TC2N: variants seen among roughly 807,000 people sequenced by gnomAD.
The protein encoded by TC2N is tandem C2 domains nuclear protein.
In TC2N, 51 loss-of-function variants were observed where a neutral mutation model predicts 61.9. The observed-to-expected ratio is 0.82, with a 90% confidence interval of 0.66 to 1.04. The LOEUF is 1.04. TC2N is among the 50% of genes least tolerant of loss of function. The pLI is 0.00. For missense variants in TC2N, 556 were observed against 566.7 expected, an observed-to-expected ratio of 0.98 and a Z score of 0.19; for synonymous variants, 204 against 192.6, an observed-to-expected ratio of 1.06 and a Z score of -0.49.
rs1377683620 is a variant in TC2N at position 91,812,370 on chromosome 14, C to T, written c.243G>A (p.Lys81=). 1.9e-6 allele frequency: 3 copies of T among 1,612,640 alleles called. No homozygotes were observed. The South Asian group carries it at 3.3e-5, about 18-fold the overall frequency. The part of the protein sequence containing the change: ...KEVPFVVPKF[K]LSYIQPRTQE... ...GTGTCCTGGGTTGAATGTAAGATAA[C>T]TTAAACTTGGGCACCACAAATGGTA... The change falls in exon 3 of 12, where the codon AAG becomes AAA. Residue 81 remains lysine, a synonymous_variant. Coordinates refer to ENST00000435962, the MANE Select transcript of TC2N (RefSeq NM_001128596.3).
At chr14:91,839,510 A>G (rs780859596) in intron 1 of TC2N, among the ~76,000 whole-genome samples, 2 of 152,158 alleles carry the variant, frequency 1.3e-5, no homozygotes, top group Non-Finnish European at 2.9e-5. Context: ...TGAGTTACCA[A>G]TGGGCAGGAA....
intron 11 of TC2N, among the ~76,000 whole-genome samples, chr14:91,784,022 A>G (rs528175107): frequency 5.3e-5 from 8 of 152,152 alleles, no homozygotes; most frequent in Non-Finnish European, 1.2e-4. Context: ...TTTCGTTGAT[A>G]CAGGGGTGGA....
chr14:91,800,869 G>T (rs557579151), intron 4 of TC2N, among the ~76,000 whole-genome samples: 1 of 152,014 alleles, frequency 6.6e-6, no homozygotes, highest in Non-Finnish European at 1.5e-5. Flanking sequence ...AGTAGTGAAC[G>T]TAAGGCAGGC....
chr14:91,799,090 A>G (rs748960360), intron 5 of TC2N, 26 bp from the exon 6 acceptor site: 1 of 1,471,292 alleles, frequency 6.8e-7, no homozygotes, highest in East Asian at 2.4e-5. Flanking sequence ...TTCTTTAGTC[A>G]GAAATTGCAT....
In TC2N at chr14:91,802,165, TAA is replaced by T. The variant is rs2139845867; in HGVS notation, c.469+87_469+88del. 5 of 1,231,972 alleles carry T rather than the reference TAA, an allele frequency of 4.1e-6. No homozygotes were observed. In the Admixed American group the frequency reaches 1.5e-4, roughly 36 times the overall value. 76.3% of individuals were successfully genotyped at this position (1,231,972 alleles called of 1,614,324 possible). A position where few individuals can be genotyped will look rare whatever the true frequency, so the allele number is the denominator to read the frequency against. ...CTTATTTTTAAAATGCTTTTAATAG[TAA>T]AAATCATTTATTCCCATATCTTACA... On this transcript the variant is annotated intron_variant, in intron 4 of 11. Coordinates refer to ENST00000435962, the MANE Select transcript of TC2N (RefSeq NM_001128596.3).
chr14:91,817,132 C>T (rs1346983470), intron 1 of TC2N, among the ~76,000 whole-genome samples: 2 of 151,828 alleles, frequency 1.3e-5, no homozygotes, highest in African/African-American at 2.4e-5. Flanking sequence ...TTGAGTCTTC[C>T]TACACAGAAC....
rs1019660411 is a variant in TC2N, at chr14:91,790,431, T to C, written c.1047+1936A>G. On this transcript the variant is annotated intron_variant, in intron 9 of 11. Coordinates refer to ENST00000435962, the MANE Select transcript of TC2N (RefSeq NM_001128596.3). Reference sequence around the variant, plus strand: ...ACTATTATTGCTTTAGCCAATAATATGAAACATTCACACTTATTAACATAA... The same window carrying C: ...ACTATTATTGCTTTAGCCAATAATACGAAACATTCACACTTATTAACATAA... Among the ~76,000 whole-genome samples, 6 of 152,280 alleles carry C rather than the reference T, an allele frequency of 3.9e-5. 1 individual carries two copies.
At chr14:91,805,331 T>C (rs930504489) in intron 3 of TC2N, among the ~76,000 whole-genome samples, 1 of 152,228 alleles carries the variant, frequency 6.6e-6, no homozygotes. Context: ...TGTGTTTATA[T>C]TTAAGCCAAG....
intron 9 of TC2N, among the ~76,000 whole-genome samples, chr14:91,790,793 T>G (rs1386795101): frequency 6.6e-6 from 1 of 152,042 alleles, no homozygotes; most frequent in Non-Finnish European, 1.5e-5. Flanking sequence ...AGTGACAAAC[T>G]CCTGTCATAG....
intron 1 of TC2N, among the ~76,000 whole-genome samples, chr14:91,826,339 G>GA (rs1246770189): frequency 6.7e-6 from 1 of 149,008 alleles, no homozygotes; most frequent in African/African-American, 2.5e-5. Context: ...AAAAAAGCAG[G>GA]AAAAAAATAT....
chr14:91,791,056 G>A (rs773093875), intron 9 of TC2N, among the ~76,000 whole-genome samples: 3 of 151,450 alleles, frequency 2.0e-5, no homozygotes, highest in South Asian at 2.1e-4. Flanking sequence ...TTGCTTGGTC[G>A]GGGAGATGGA....
intron 1 of TC2N, among the ~76,000 whole-genome samples, chr14:91,850,452 C>A (rs547140573): frequency 1.3e-4 from 20 of 152,346 alleles, no homozygotes; most frequent in Non-Finnish European, 2.2e-4. Flanking sequence ...CCAGGCCACA[C>A]AACAGGAGTT....
chr14:91,800,985 T>C (rs561989592), intron 4 of TC2N, among the ~76,000 whole-genome samples: 50 of 151,518 alleles, frequency 3.3e-4, no homozygotes, highest in African/African-American at 1.1e-3. Flanking sequence ...TATATACATA[T>C]ATATACACAC....
intron 1 of TC2N, among the ~76,000 whole-genome samples, chr14:91,855,673 A>G (rs908291755): frequency 2.0e-5 from 3 of 152,266 alleles, no homozygotes; most frequent in Non-Finnish European, 2.9e-5. Flanking sequence ...TCAGGAGGAC[A>G]CTATTCAACT....
chr14:91,855,392 A>G (rs1016499604), intron 1 of TC2N, among the ~76,000 whole-genome samples: 2 of 152,144 alleles, frequency 1.3e-5, no homozygotes, highest in Non-Finnish European at 2.9e-5. Flanking sequence ...CTAGGGGAGA[A>G]TCCTTCCCTG....
intron 9 of TC2N, among the ~76,000 whole-genome samples, chr14:91,789,042 T>C (rs1326407187): frequency 1.3e-5 from 2 of 152,238 alleles, no homozygotes; most frequent in Non-Finnish European, 2.9e-5. Flanking sequence ...AGAGTCATAC[T>C]GTTTATAAAA....
intron 4 of TC2N, among the ~76,000 whole-genome samples, chr14:91,800,603 C>G (rs1316700476): frequency 6.6e-6 from 1 of 152,082 alleles, no homozygotes; most frequent in Non-Finnish European, 1.5e-5. Flanking sequence ...TTCACATCCA[C>G]ATCAATTATC....
At chr14:91,822,602 G>C (rs1281295790) in intron 1 of TC2N, among the ~76,000 whole-genome samples, 1 of 152,066 alleles carries the variant, frequency 6.6e-6, no homozygotes, top group Non-Finnish European at 1.5e-5. Flanking sequence ...AAGTAGATCA[G>C]AGGCTGCCTC....
At chr14:91,803,155 A>G (rs1886341125) in intron 3 of TC2N, among the ~76,000 whole-genome samples, 1 of 152,124 alleles carries the variant, frequency 6.6e-6, no homozygotes, top group Non-Finnish European at 1.5e-5. Flanking sequence ...CTAAAAGGTG[A>G]TAAGACAACT....
Sources: gnomAD v4.1 joint callset for allele counts (sites outside exome capture counted in the v4.1 genomes callset) on GRCh38, gnomAD v4.1.1 for gene constraint, MANE v1.5 for transcripts, NCBI Gene and HGNC (gene_info 2026-07-23, HGNC 2026-07-21) for gene names.